Variants in RAX2 observed in about 807,000 individuals in gnomAD.
RAX2 encodes retina and anterior neural fold homeobox 2, also known as retina and anterior neural fold homeobox protein 2.
In RAX2, 4 loss-of-function variants were observed where a neutral mutation model predicts 5.8. The ratio of observed to expected loss-of-function variants is 0.69; its 90% CI spans 0.34 to 1.58. The LOEUF is 1.58. Ranked by LOEUF, RAX2 falls within the 40% of genes most tolerant of loss-of-function variation. RAX2 has a pLI of 0.05. For synonymous variants in RAX2, 133 were observed against 128.8 expected, an observed-to-expected ratio of 1.03 and a Z score of -0.22; for missense variants, 275 against 271.4, an observed-to-expected ratio of 1.01 and a Z score of -0.09.
At position 3,770,794 on chromosome 19, in the gene RAX2, C is replaced by T; in HGVS notation, c.382G>A (p.Ala128Thr). 1 of 1,519,080 alleles carries T rather than the reference C, an allele frequency of 6.6e-7. No homozygotes were observed. Among genetic ancestry groups the T allele is most frequent in the Non-Finnish European group, 8.8e-7 (1 of 1,139,786 alleles). 94.1% of individuals were successfully genotyped at this position (1,519,080 alleles called of 1,614,324 possible). The change falls in exon 3 of 3, where the codon GCC becomes ACC. Residue 128 changes from alanine (A) to threonine (T), a missense_variant. Physicochemically the swap from Ala to Thr is moderately conservative, Grantham distance 58 (BLOSUM62 0). Transcript: ENST00000555633. ...AGGAGGCGGGGGAGGCCTGGCACGG[C>T]CGGCGGTCCGGGGCCCAACCAGGGC... The part of the protein sequence containing the change: ...LEPWLGPGPP[A>T]VPGLPRLLGP...
At position 3,772,015 on chromosome 19, in the gene RAX2, GT is replaced by G; in HGVS notation, c.-268-6del. On this transcript the variant is annotated splice_polypyrimidine_tract_variant and splice_region_variant and intron_variant, in intron 1 of 2. Coordinates refer to ENST00000555633, the MANE Select transcript of RAX2 (RefSeq NM_001319074.4). ...CCTCTCTGTGACTGTCACGGCCTGT[GT>G]GTGTGTGTGTCGGCGGGGGGGGGTC... 3.6e-6 allele frequency: 2 copies of G among 548,340 alleles called. No homozygotes were observed. The highest frequency in any genetic ancestry group is 2.0e-5 in the South Asian group (1 of 50,794). 34.0% of individuals were successfully genotyped at this position (548,340 alleles called of 1,614,324 possible).
At position 3,771,721 on chromosome 19, in the gene RAX2, C is replaced by T. The variant is rs758091449; in HGVS notation, c.22G>A (p.Gly8Arg). The T allele has an allele frequency of 1.9e-5, 30 of 1,606,174 alleles. No homozygotes were observed. The highest frequency in any genetic ancestry group is 6.7e-5 in the East Asian group (3 of 44,804). The change falls in exon 2 of 3, where the codon GGG becomes AGG. Residue 8 changes from glycine (G) to arginine (R), a missense_variant. Physicochemically the swap from Gly to Arg is moderately radical, Grantham distance 125. Transcript: ENST00000555633. The surrounding 1 kb of genome is among the most constrained non-coding windows in gnomAD (Gnocchi z 4.2). Reference protein sequence around the residue: MFLSPGEGPATEGGGLGP... With the variant: MFLSPGERPATEGGGLGP... Reference sequence around the variant, plus strand: ...AGACCCCCACCCTCGGTTGCCGGCCCCTCGCCCGGGCTCAGGAACATGGCT... The same window carrying T: ...AGACCCCCACCCTCGGTTGCCGGCCTCTCGCCCGGGCTCAGGAACATGGCT...
rs935335961 is a variant in RAX2 at position 3,769,412 on chromosome 19, C to A, written c.*1209G>T. 3.3e-5 allele frequency: 5 copies of A among 152,272 alleles called. No individual in the cohort carries two copies. The highest frequency in any genetic ancestry group is 7.2e-5 in the African/African-American group (3 of 41,424). 9.4% of individuals were successfully genotyped at this position (152,272 alleles called of 1,614,324 possible). ...CTGGTTTAGCTTTAAAAAAAAAAAT[C>A]TTTCTTGTGCTTACTGCCGTGTCCC... On this transcript the variant is annotated 3_prime_UTR_variant, in exon 3 of 3. Coordinates refer to ENST00000555633, the MANE Select transcript of RAX2 (RefSeq NM_001319074.4).
At chr19:3,770,981 G>T in intron 2 of RAX2, 22 bp from the exon 3 acceptor site, 1 of 1,529,210 alleles carries the variant, frequency 6.5e-7, no homozygotes, top group Non-Finnish European at 8.8e-7. Flanking sequence ...GAGAGGGAAG[G>T]GGGGTTGCTG....
At chr19:3,772,031 G>T (rs1344020947) in intron 1 of RAX2, 21 bp from the exon 2 acceptor site, 3 of 347,856 alleles carry the variant, frequency 8.6e-6, no homozygotes, top group South Asian at 2.7e-5. Flanking sequence ...GTGTGTCGGC[G>T]GGGGGGGGTC....
rs143887958 is a variant in RAX2 at position 3,771,787 on chromosome 19, C to T, written c.-45G>A. 1,909 of 1,537,888 alleles carry T rather than the reference C, an allele frequency of 1.2e-3. 16 individuals are homozygous for T. In the African/African-American group the frequency reaches 0.022, roughly 18 times the overall value. ...GGCAGCGGGACAGATGGTGGGGAGA[C>T]GGCTGGGGGGGCTACCGGCAGGGAC... On this transcript the variant is annotated 5_prime_UTR_variant, in exon 2 of 3. Transcript: ENST00000555633. This position sits in a 1 kb window ranked among gnomAD's most constrained non-coding sequence, Gnocchi z 4.2.
chr19:3,771,916 G>C lies in RAX2; in HGVS notation c.-174C>G, dbSNP rs2145737721. The stretch of plus-strand genomic sequence containing the variant: ...TCCCCAGGCTGTCCTCCTCGGGCTT[G>C]GGGGGGTCTCCTGCTGTGCCTCTGT... On this transcript the variant is annotated 5_prime_UTR_variant, in exon 2 of 3. Transcript: ENST00000555633. The surrounding 1 kb of genome is among the most constrained non-coding windows in gnomAD (Gnocchi z 4.2). The C allele has an allele frequency of 1.6e-6, 2 of 1,262,338 alleles. No homozygotes were observed. Among genetic ancestry groups the C allele is most frequent in the Non-Finnish European group, 2.1e-6 (2 of 940,938 alleles). 78.2% of individuals were successfully genotyped at this position (1,262,338 alleles called of 1,614,324 possible). A position where few individuals can be genotyped will look rare whatever the true frequency, so the allele number is the denominator to read the frequency against.
At position 3,772,028 on chromosome 19, in the gene RAX2, G is replaced by T; in HGVS notation, c.-268-18C>A. ...GTCACGGCCTGTGTGTGTGTGTGTC[G>T]GCGGGGGGGGGTCAAGGATGCCCCC... On this transcript the variant is annotated intron_variant, in intron 1 of 2. Transcript: ENST00000555633. 2.0e-6 allele frequency: 1 copy of T among 489,814 alleles called. No homozygotes were observed. The highest frequency in any genetic ancestry group is 3.7e-6 in the Non-Finnish European group (1 of 270,584). 30.3% of individuals were successfully genotyped at this position (489,814 alleles called of 1,614,324 possible). A position where few individuals can be genotyped will look rare whatever the true frequency, so the allele number is the denominator to read the frequency against.
rs1487990073 is a variant in RAX2 at position 3,771,819 on chromosome 19, G to A, written c.-77C>T. On this transcript the variant is annotated 5_prime_UTR_variant, in exon 2 of 3. Transcript: ENST00000555633. This position sits in a 1 kb window ranked among gnomAD's most constrained non-coding sequence, Gnocchi z 4.2. Reference sequence around the variant, plus strand: ...GGGGGCTACCGGCAGGGACAGGGCAGGGGAGCCCCAGGCTTGCCTCCCGGC... The same window carrying A: ...GGGGGCTACCGGCAGGGACAGGGCAAGGGAGCCCCAGGCTTGCCTCCCGGC... 1 of 1,490,254 alleles carries A rather than the reference G, an allele frequency of 6.7e-7. No individual in the cohort carries two copies. The highest frequency in any genetic ancestry group is 1.3e-5 in the South Asian group (1 of 78,086). 92.3% of individuals were successfully genotyped at this position (1,490,254 alleles called of 1,614,324 possible).
At position 3,771,173 on chromosome 19, in the gene RAX2, C is replaced by T. The variant is rs1034612502; in HGVS notation, c.217-214G>A. On this transcript the variant is annotated intron_variant, in intron 2 of 2. Coordinates refer to ENST00000555633, the MANE Select transcript of RAX2 (RefSeq NM_001319074.4). The surrounding 1 kb of genome is among the most constrained non-coding windows in gnomAD (Gnocchi z 4.2). ...TCCAACTCCTCACTCCCCTCCTTGG[C>T]CTCCCTTGGCCCTTAGCAAGTAACC... Among the ~76,000 whole-genome samples the T allele has an allele frequency of 7.8e-4, 24 of 30,644 alleles. No homozygotes were observed. Among genetic ancestry groups the T allele is most frequent in the Non-Finnish European group, 1.5e-3 (18 of 11,858 alleles). 20.1% of individuals were successfully genotyped at this position (30,644 alleles called of 152,430 possible). A position where few individuals can be genotyped will look rare whatever the true frequency, so the allele number is the denominator to read the frequency against.
chr19:3,770,260 C>T lies in RAX2; in HGVS notation c.*361G>A, dbSNP rs2037238222. 3.1e-6 allele frequency: 1 copy of T among 325,718 alleles called. No homozygotes were observed. Among genetic ancestry groups the T allele is most frequent in the African/African-American group, 2.2e-5 (1 of 45,762 alleles). 20.2% of individuals were successfully genotyped at this position (325,718 alleles called of 1,614,324 possible). A position where few individuals can be genotyped will look rare whatever the true frequency, so the allele number is the denominator to read the frequency against. On this transcript the variant is annotated 3_prime_UTR_variant, in exon 3 of 3. Transcript: ENST00000555633. ...CATCTTACAGAGTCAGCGGTCCCGC[C>T]ACCCACAGCCTCGCAGCCCTCGAAC... is the stretch of plus-strand genomic sequence containing the variant.
rs1177835874 is a variant in RAX2, at chr19:3,769,437, C to T, written c.*1184G>A. The T allele has an allele frequency of 6.6e-6, 1 of 152,420 alleles. No homozygotes were observed. Among genetic ancestry groups the T allele is most frequent in the Non-Finnish European group, 1.5e-5 (1 of 68,194 alleles). The allele number at this position is 152,420 out of a possible 1,614,324, so 9.4% of individuals were successfully genotyped here. A position where few individuals can be genotyped will look rare whatever the true frequency, so the allele number is the denominator to read the frequency against. ...CTTTCTTGTGCTTACTGCCGTGTCC[C>T]CACTGCCTGGTGTGCGGTGACATTG... On this transcript the variant is annotated 3_prime_UTR_variant, in exon 3 of 3. Transcript: ENST00000555633.
At position 3,770,925 on chromosome 19, in the gene RAX2, C is replaced by T. The variant is rs573043030; in HGVS notation, c.251G>A (p.Arg84His). 1.7e-5 allele frequency: 27 copies of T among 1,560,954 alleles called. No individual in the cohort carries two copies. The highest frequency in any genetic ancestry group is 4.6e-5 in the South Asian group (4 of 86,522). Residue 84 changes from arginine (R) to histidine (H), a missense_variant, in exon 3 of 3, where the codon CGC becomes CAC. By Grantham distance (29) the Arg-to-His change is conservative. Coordinates refer to ENST00000555633, the MANE Select transcript of RAX2 (RefSeq NM_001319074.4). Reference sequence around the variant, plus strand: ...CGAGCCTGACTCCAGCCGCTCCTGGCGGCGCCACTTGGCCCGGCGGTTCTG... The same window carrying T: ...CGAGCCTGACTCCAGCCGCTCCTGGTGGCGCCACTTGGCCCGGCGGTTCTG... Reference protein sequence around the residue: ...WFQNRRAKWRRQERLESGSGA... With the variant: ...WFQNRRAKWRHQERLESGSGA...
In RAX2 at chr19:3,770,252, G is replaced by T; in HGVS notation, c.*369C>A. 3.3e-6 allele frequency: 1 copy of T among 306,608 alleles called. No homozygotes were observed. The highest frequency in any genetic ancestry group is 6.1e-6 in the Non-Finnish European group (1 of 165,104). 19.0% of individuals were successfully genotyped at this position (306,608 alleles called of 1,614,324 possible). Reference sequence around the variant, plus strand: ...TTTACACTCATCTTACAGAGTCAGCGGTCCCGCCACCCACAGCCTCGCAGC... The same window carrying T: ...TTTACACTCATCTTACAGAGTCAGCTGTCCCGCCACCCACAGCCTCGCAGC... On this transcript the variant is annotated 3_prime_UTR_variant, in exon 3 of 3. Transcript: ENST00000555633.
rs370364475 is a variant in RAX2 at position 3,771,667 on chromosome 19, T to C, written c.76A>G (p.Lys26Glu). 6.2e-6 allele frequency: 10 copies of C among 1,613,186 alleles called. No homozygotes were observed. In the African/African-American group the frequency reaches 1.3e-4, roughly 22 times the overall value. Residue 26 changes from lysine to glutamate, a missense_variant, in exon 2 of 3, where the codon AAG becomes GAG. Lys to Glu is a moderately conservative substitution (Grantham distance 56). Transcript: ENST00000555633. This position sits in a 1 kb window ranked among gnomAD's most constrained non-coding sequence, Gnocchi z 4.2. ...AAGGTGGTGCGGTTCCTCCGGTGCT[T>C]CTTCTTGGGGGCCTCCTCGCCCGGC... ...LGPGEEAPKK[K>E]HRRNRTTFTT...
At position 3,771,972 on chromosome 19, in the gene RAX2, G is replaced by A. The variant is rs373673664; in HGVS notation, c.-230C>T. 5 of 733,362 alleles carry A rather than the reference G, an allele frequency of 6.8e-6. No homozygotes were observed. Among genetic ancestry groups the A allele is most frequent in the East Asian group, 2.8e-5 (1 of 36,240 alleles). 45.4% of individuals were successfully genotyped at this position (733,362 alleles called of 1,614,324 possible). ...CTTCCTTCTCTCTGTGTGTGTCACC[G>A]TCCCTGTTTTCTCTTCCCCTCTCTG... On this transcript the variant is annotated 5_prime_UTR_variant, in exon 2 of 3. It adds an upstream start codon to the 5' untranslated region. Transcript: ENST00000555633. The surrounding 1 kb of genome is among the most constrained non-coding windows in gnomAD (Gnocchi z 4.2).
intron 1 of RAX2, 21 bp from the exon 2 acceptor site, chr19:3,772,031 G>GGC (rs1405757938): frequency 2.9e-6 from 1 of 347,894 alleles, no homozygotes; most frequent in South Asian, 2.7e-5. Context: ...GTGTGTCGGC[G>GGC]GGGGGGGGTC....
In RAX2 at chr19:3,771,590, G is replaced by A. The variant is rs1214336624; in HGVS notation, c.153C>T (p.Tyr51=). 6.2e-7 allele frequency: 1 copy of A among 1,611,922 alleles called. No individual in the cohort carries two copies. Among genetic ancestry groups the A allele is most frequent in the Admixed American group, 1.7e-5 (1 of 59,760 alleles). The part of the protein sequence containing the change: ...QLERAFEASH[Y]PDVYSREELA... ...GCTCCTCACGGCTGTACACATCCGGGTAGTGAGAGGCCTCGAACGCCCGCT... is the reference window on the plus strand; with the variant it reads ...GCTCCTCACGGCTGTACACATCCGGATAGTGAGAGGCCTCGAACGCCCGCT... Residue 51 remains tyrosine (Y), a synonymous_variant, in exon 2 of 3, where the codon TAC becomes TAT. Coordinates refer to ENST00000555633, the MANE Select transcript of RAX2 (RefSeq NM_001319074.4). This position sits in a 1 kb window ranked among gnomAD's most constrained non-coding sequence, Gnocchi z 4.2.
Position 3,771,067 on chromosome 19 carries a change from A to C in RAX2, c.217-108T>G. On this transcript the variant is annotated intron_variant, in intron 2 of 2. Coordinates refer to ENST00000555633, the MANE Select transcript of RAX2 (RefSeq NM_001319074.4). The surrounding 1 kb of genome is among the most constrained non-coding windows in gnomAD (Gnocchi z 4.2). ...CCCTGGGGGTTCTGACTCCCGTCTG[A>C]CCCGACTCCTACCTGCTGCTTCGCT... The C allele has an allele frequency of 1.2e-6, 1 of 826,150 alleles. No homozygotes were observed. Among genetic ancestry groups the C allele is most frequent in the Non-Finnish European group, 2.0e-6 (1 of 512,406 alleles). The allele number at this position is 826,150 out of a possible 1,614,324, so 51.2% of individuals were successfully genotyped here.
Sources: allele counts gnomAD v4.1 joint callset (sites outside exome capture counted in the v4.1 genomes callset), GRCh38; gene constraint gnomAD v4.1.1; non-coding constraint Gnocchi (gnomAD v3.1); transcripts MANE v1.5; gene names NCBI Gene and HGNC (gene_info 2026-07-23, HGNC 2026-07-21).